HTR4: variants seen among roughly 807,000 people sequenced by gnomAD.
The protein encoded by HTR4 is 5-hydroxytryptamine (serotonin) receptor 4, G protein-coupled.
HTR4 carries 16 observed loss-of-function variants against 36.8 expected under a neutral mutation model. The ratio of observed to expected loss-of-function variants is 0.43; its 90% CI spans 0.29 to 0.66. The LOEUF (loss-of-function observed/expected upper bound fraction) is 0.66. Among genes scored for constraint, HTR4 ranks in the 30% least tolerant of loss-of-function variants. HTR4 has a pLI of 0.13. For synonymous variants in HTR4, 189 were observed against 185.1 expected (o/e 1.02, Z -0.17); for missense variants, 438 against 490.9 (o/e 0.89, Z 1.02).
downstream of HTR4, among the ~76,000 whole-genome samples, chr5:148,473,529 A>T (rs996964601): frequency 7.9e-5 from 12 of 152,218 alleles, no homozygotes; most frequent in Non-Finnish European, 1.6e-4. Flanking sequence ...CATATTTTAG[A>T]ATATAGTATC....
At chr5:148,541,020 C>T (rs1408260715) in intron 4 of HTR4, among the ~76,000 whole-genome samples, 1 of 152,142 alleles carries the variant, frequency 6.6e-6, no homozygotes, top group Non-Finnish European at 1.5e-5. Context: ...ATGCACTGGT[C>T]TATGCATTAT....
chr5:148,613,791 CA>C (rs2127284178), intron 2 of HTR4, among the ~76,000 whole-genome samples: 1 of 150,374 alleles, frequency 6.7e-6, no homozygotes, highest in East Asian at 2.0e-4. Context: ...CCCATTGTCT[CA>C]GCCCAAAATC....
chr5:148,541,822 A>G (rs973084149), intron 4 of HTR4, among the ~76,000 whole-genome samples: 7 of 152,132 alleles, frequency 4.6e-5, no homozygotes, highest in Non-Finnish European at 1.5e-5. Flanking sequence ...CGTTTTCAGG[A>G]GCAGCCACTC....
At chr5:148,518,792 A>G (rs189366491) in intron 5 of HTR4, among the ~76,000 whole-genome samples, 16 of 152,246 alleles carry the variant, frequency 1.1e-4, no homozygotes, top group Non-Finnish European at 2.2e-4. Flanking sequence ...GATTATTGCA[A>G]TTTTGTTCCA....
At chr5:148,597,646 C>T (rs1228108873) in intron 2 of HTR4, among the ~76,000 whole-genome samples, 2 of 152,174 alleles carry the variant, frequency 1.3e-5, no homozygotes, top group Admixed American at 6.5e-5. Flanking sequence ...GAATGCTCCC[C>T]AACCACTGTC....
chr5:148,625,730 G>A (rs984010067), intron 2 of HTR4, among the ~76,000 whole-genome samples: 3 of 151,974 alleles, frequency 2.0e-5, no homozygotes, highest in African/African-American at 4.8e-5. Flanking sequence ...ACAGGTGCAC[G>A]CCATAACACC....
At chr5:148,583,353 G>A (rs1358282752) in intron 2 of HTR4, among the ~76,000 whole-genome samples, 1 of 151,906 alleles carries the variant, frequency 6.6e-6, no homozygotes, top group Non-Finnish European at 1.5e-5. Context: ...GTTAGTGGGT[G>A]CAGCGCACTA....
chr5:148,538,487 C>T (rs1048819449), intron 4 of HTR4, among the ~76,000 whole-genome samples: 4 of 152,008 alleles, frequency 2.6e-5, no homozygotes, highest in Admixed American at 6.6e-5. Context: ...CATAGTATTG[C>T]CCCAAAAGCT....
intron 4 of HTR4, among the ~76,000 whole-genome samples, chr5:148,530,704 C>T (rs1041392774): frequency 6.6e-6 from 1 of 152,174 alleles, no homozygotes; most frequent in African/African-American, 2.4e-5. Flanking sequence ...CATCCCCAGA[C>T]CCCAGAACCA....
intron 2 of HTR4, among the ~76,000 whole-genome samples, chr5:148,634,334 A>T (rs900528679): frequency 2.0e-5 from 3 of 152,202 alleles, no homozygotes; most frequent in Non-Finnish European, 4.4e-5. Flanking sequence ...CAGACATCTC[A>T]GCAATGTATA....
Position 148,482,971 on chromosome 5 carries a change from G to C in HTR4, c.*232C>G. ...GGCAAAAGCAGAGAATCTGGGAAGA[G>C]GGAGTGTTGGGAAATAAAAAGTGAA... is the stretch of plus-strand genomic sequence containing the variant. On this transcript the variant is annotated 3_prime_UTR_variant, in exon 7 of 7. Transcript: ENST00000377888. 1 of 1,399,222 alleles carries C rather than the reference G, an allele frequency of 7.1e-7. No individual in the cohort carries two copies. Among genetic ancestry groups the C allele is most frequent in the Non-Finnish European group, 9.3e-7 (1 of 1,074,822 alleles). The allele number at this position is 1,399,222 out of a possible 1,614,324, so 86.7% of individuals were successfully genotyped here.
intron 2 of HTR4, among the ~76,000 whole-genome samples, chr5:148,605,538 G>A (rs1206362178): frequency 6.6e-6 from 1 of 151,870 alleles, no homozygotes; most frequent in Non-Finnish European, 1.5e-5. Context: ...GATTACAGGT[G>A]TCAGCCACCA....
chr5:148,638,089 C>T (rs1215443176), intron 1 of HTR4, among the ~76,000 whole-genome samples: 2 of 152,202 alleles, frequency 1.3e-5, no homozygotes, highest in African/African-American at 4.8e-5. Context: ...GGCCCTTGGA[C>T]ACCTTGGCCA....
chr5:148,577,960 G>C (rs1282814687), intron 2 of HTR4, among the ~76,000 whole-genome samples: 1 of 151,810 alleles, frequency 6.6e-6, no homozygotes, highest in Non-Finnish European at 1.5e-5. Context: ...ATGTACCCCT[G>C]AACCTAAAAT....
intron 2 of HTR4, among the ~76,000 whole-genome samples, chr5:148,601,433 C>T (rs1761992471): frequency 6.6e-6 from 1 of 152,052 alleles, no homozygotes; most frequent in Admixed American, 6.5e-5. Flanking sequence ...ATGGAAAAAG[C>T]TGCCTAAATG....
intron 2 of HTR4, among the ~76,000 whole-genome samples, chr5:148,619,704 T>C (rs907868490): frequency 2.0e-5 from 3 of 152,082 alleles, no homozygotes; most frequent in East Asian, 3.9e-4. Context: ...CACACTTCTT[T>C]GTGTGTGATT....
At chr5:148,646,741 C>G (rs1167285982) in intron 1 of HTR4, among the ~76,000 whole-genome samples, 1 of 152,118 alleles carries the variant, frequency 6.6e-6, no homozygotes, top group Non-Finnish European at 1.5e-5. Flanking sequence ...AGAACCTAAC[C>G]CTTCACGTGC....
At chr5:148,463,880 A>G (rs1468887754) in intron 5 of HTR4, among the ~76,000 whole-genome samples, 1 of 152,138 alleles carries the variant, frequency 6.6e-6, no homozygotes, top group African/African-American at 2.4e-5. Context: ...TGGCCAAAGA[A>G]TAGACAAAGA....
At chr5:148,556,842 G>A (rs773539314) in intron 2 of HTR4, among the ~76,000 whole-genome samples, 13 of 152,284 alleles carry the variant, frequency 8.5e-5, no homozygotes, top group South Asian at 2.1e-4. Context: ...TAGAAAACAC[G>A]CTGGCTTAGA....
Sources: allele counts gnomAD v4.1 joint callset (sites outside exome capture counted in the v4.1 genomes callset), GRCh38; gene constraint gnomAD v4.1.1; transcripts MANE v1.5; gene names NCBI Gene and HGNC (gene_info 2026-07-23, HGNC 2026-07-21).